The following BIRC6 variants were observed in gnomAD, a reference collection of about 807,000 sequenced individuals.
The protein encoded by BIRC6 is dual E2 ubiquitin-conjugating enzyme/E3 ubiquitin-protein ligase BIRC6.
A neutral mutation model predicts 503.3 loss-of-function variants in BIRC6; 98 were observed. That is an observed-to-expected ratio of 0.19 (90% CI 0.17 to 0.23). BIRC6 has a LOEUF of 0.23. Ranked by LOEUF, BIRC6 falls within the 10% of genes least tolerant of loss-of-function variation. The probability of loss-of-function intolerance (pLI) is 1.00; values close to 1 mark genes in which losing one functional copy is unlikely to be tolerated. For missense variants in BIRC6, 5,360 were observed against 5,806.0 expected, an observed-to-expected ratio of 0.92 and a Z score of 2.50; for synonymous variants, 2,240 against 2,078.7, an observed-to-expected ratio of 1.08 and a Z score of -2.11.
At chr2:32,371,215 CAAAAAAAAA>C (rs1179033406) in intron 1 of BIRC6, among the ~76,000 whole-genome samples, 356 of 28,722 alleles carry the variant, frequency 0.012, 7 homozygotes, top group African/African-American at 0.036. Context: ...GACCCTGTCT[CAAAAAAAAA>C]AAAAAAAAAA....
At chr2:32,467,873 T>C in intron 27 of BIRC6, 30 bp from the exon 28 acceptor site, 1 of 1,544,758 alleles carries the variant, frequency 6.5e-7, no homozygotes, top group South Asian at 1.2e-5. Flanking sequence ...CAGATGTGTA[T>C]ATATGTATAT....
intron 58 of BIRC6, 135 bp downstream of exon 58, chr2:32,525,154 T>A (rs2056150955): frequency 1.8e-5 from 15 of 813,942 alleles, no homozygotes; most frequent in Non-Finnish European, 2.5e-5. Flanking sequence ...TAATACTAGA[T>A]TTTTATCTTT....
intron 53 of BIRC6, 30 bp from the exon 54 acceptor site, chr2:32,512,903 G>T: frequency 6.3e-7 from 1 of 1,576,520 alleles, no homozygotes; most frequent in Non-Finnish European, 8.7e-7. Context: ...CTATATAGTT[G>T]GTTATATGAA....
At chr2:32,487,388 T>G (rs1249428929) in intron 40 of BIRC6, among the ~76,000 whole-genome samples, 1 of 152,194 alleles carries the variant, frequency 6.6e-6, no homozygotes, top group Non-Finnish European at 1.5e-5. Context: ...AAATAAAAAT[T>G]GCTAGAAAAG....
rs35410265 is a variant in BIRC6, at chr2:32,521,365, C to CAAAAAAAAAAAAAAAAAAAAAAAAAA, written c.11623+2422_11623+2447dup. On this transcript the variant is annotated intron_variant, in intron 57 of 73. Coordinates refer to ENST00000421745, the MANE Select transcript of BIRC6 (RefSeq NM_016252.4). ...TGGGCAACATAGCAAGACCTCATCTCAAAAAAAAAAAAAAAAAAAAAAAAA... is the reference window on the plus strand; with the variant it reads ...TGGGCAACATAGCAAGACCTCATCTCAAAAAAAAAAAAAAAAAAAAAAAAAAAAAAAAAAAAAAAAAAAAAAAAAAA... 2.8e-4 allele frequency among the ~76,000 whole-genome samples: 6 copies of CAAAAAAAAAAAAAAAAAAAAAAAAAA among 21,518 alleles called. 2 individuals carry two copies. Among genetic ancestry groups the CAAAAAAAAAAAAAAAAAAAAAAAAAA allele is most frequent in the Non-Finnish European group, 2.4e-4 (3 of 12,334 alleles). The allele number at this position is 21,518 out of a possible 152,430, so 14.1% of individuals were successfully genotyped here.
At chr2:32,448,754 G>A (rs747370209) in intron 21 of BIRC6, 41 bp from the exon 22 acceptor site, 21 of 1,576,370 alleles carry the variant, frequency 1.3e-5, no homozygotes, top group Non-Finnish European at 1.8e-5. Flanking sequence ...TTAATTAGAT[G>A]GCTGAAAGGA....
chr2:32,375,850 A>G (rs7598407), intron 1 of BIRC6, among the ~76,000 whole-genome samples: 3,006 of 150,290 alleles, frequency 0.02, 73 homozygotes, highest in African/African-American at 0.053. Context: ...TGGGTTTCAT[A>G]GTGTTATTCA....
intron 33 of BIRC6, among the ~76,000 whole-genome samples, chr2:32,474,883 TAAC>T (rs1431670423): frequency 6.6e-6 from 1 of 152,162 alleles, no homozygotes; most frequent in Non-Finnish European, 1.5e-5. Flanking sequence ...TCTATGGAGA[TAAC>T]AGCCAAGTGG....
chr2:32,384,928 T>C (rs571006961), intron 3 of BIRC6, among the ~76,000 whole-genome samples: 10 of 152,354 alleles, frequency 6.6e-5, no homozygotes, highest in African/African-American at 1.9e-4. Context: ...GAGAGTTCTA[T>C]TCATAGACCT....
intron 65 of BIRC6, chr2:32,564,196 CT>C (rs2059383014): frequency 6.6e-6 from 1 of 152,198 alleles, no homozygotes; most frequent in South Asian, 2.1e-4. Flanking sequence ...GTTGCCTTTT[CT>C]GAATATTTTA....
chr2:32,577,900 C>G (rs145284329), intron 66 of BIRC6, among the ~76,000 whole-genome samples: 1 of 152,228 alleles, frequency 6.6e-6, no homozygotes, highest in East Asian at 1.9e-4. Context: ...GACTTATAAA[C>G]TATGTACCAA....
chr2:32,523,205 A>G (rs2055919872), intron 57 of BIRC6: 1 of 151,180 alleles, frequency 6.6e-6, no homozygotes, highest in African/African-American at 2.5e-5. Context: ...AGAAAAAAAT[A>G]AAACAGAAAT....
chr2:32,602,562 A>C (rs1573315961), intron 70 of BIRC6: 1 of 153,534 alleles, frequency 6.5e-6, no homozygotes, highest in Non-Finnish European at 1.4e-5. Context: ...GTATTTTGTC[A>C]AACAGCTAGA....
intron 65 of BIRC6, among the ~76,000 whole-genome samples, chr2:32,569,197 CA>C (rs2059754243): frequency 6.6e-6 from 1 of 152,012 alleles, no homozygotes; most frequent in East Asian, 1.9e-4. Context: ...CCGTGTTGAC[CA>C]GACTGGCCTT....
chr2:32,511,463 C>T lies in BIRC6; in HGVS notation c.10346+829C>T, dbSNP rs1166810022. On this transcript the variant is annotated intron_variant, in intron 53 of 73. Transcript: ENST00000421745. Reference sequence around the variant, plus strand: ...TAGCTGGGTCTACAGGCGACCACCACTATAACTGACTAATTTTTTTTTTTT... The same window carrying T: ...TAGCTGGGTCTACAGGCGACCACCATTATAACTGACTAATTTTTTTTTTTT... Among the ~76,000 whole-genome samples, 45 of 140,660 alleles carry T rather than the reference C, an allele frequency of 3.2e-4. No homozygotes were observed. In the Admixed American group the frequency reaches 3.2e-3, roughly 10 times the overall value. The allele number at this position is 140,660 out of a possible 152,430, so 92.3% of individuals were successfully genotyped here. A position where few individuals can be genotyped will look rare whatever the true frequency, so the allele number is the denominator to read the frequency against.
chr2:32,616,532 C>A (rs1266698141), intron 73 of BIRC6, among the ~76,000 whole-genome samples: 1 of 142,488 alleles, frequency 7.0e-6, no homozygotes, highest in Admixed American at 7.4e-5. Flanking sequence ...TGCACTCTAG[C>A]CTGGGTGACA....
intron 46 of BIRC6, among the ~76,000 whole-genome samples, chr2:32,500,893 C>G (rs62136310): frequency 0.2 from 30,644 of 151,892 alleles, 3,171 homozygotes; most frequent in Admixed American, 0.27. Flanking sequence ...GTGTGAGCCA[C>G]TGCGCCCTGC....
intron 45 of BIRC6, among the ~76,000 whole-genome samples, chr2:32,494,782 C>T (rs1371605034): frequency 2.6e-5 from 4 of 151,946 alleles, no homozygotes; most frequent in African/African-American, 9.7e-5. Context: ...TGTGGGTATA[C>T]ACCTGTAATC....
At chr2:32,551,154 T>C (rs2058390855) in intron 65 of BIRC6, among the ~76,000 whole-genome samples, 1 of 151,748 alleles carries the variant, frequency 6.6e-6, no homozygotes, top group African/African-American at 2.4e-5. Flanking sequence ...TAAATATGGA[T>C]TGTTTTCAGG....
Sources: allele counts gnomAD v4.1 joint callset (sites outside exome capture counted in the v4.1 genomes callset), GRCh38; gene constraint gnomAD v4.1.1; transcripts MANE v1.5; gene names NCBI Gene and HGNC (gene_info 2026-07-23, HGNC 2026-07-21).